TMEM178B: variants seen among roughly 807,000 people sequenced by gnomAD.
TMEM178B encodes transmembrane protein 178B.
TMEM178B carries 5 observed loss-of-function variants against 31.0 expected under a neutral mutation model. That is an observed-to-expected ratio of 0.16 (90% CI 0.08 to 0.34). TMEM178B has a LOEUF of 0.34. Ranked by LOEUF, TMEM178B falls within the 10% of genes least tolerant of loss-of-function variation. TMEM178B has a pLI of 1.00. For synonymous variants in TMEM178B, 164 were observed against 164.0 expected (o/e 1.00, Z 0.00); for missense variants, 275 against 400.3 (o/e 0.69, Z 2.67).
downstream of TMEM178B, among the ~76,000 whole-genome samples, chr7:141,483,168 G>A (rs1447748367): frequency 1.3e-5 from 2 of 152,210 alleles, no homozygotes; most frequent in Admixed American, 1.3e-4. Context: ...ATCTCCAGGA[G>A]CCAAAGGCCA....
chr7:141,489,794 G>A, the TMEM178B span, among the ~76,000 whole-genome samples: 1 of 152,198 alleles, frequency 6.6e-6, no homozygotes, highest in Non-Finnish European at 1.5e-5. Context: ...GAGGGCTCAA[G>A]ATTTTTGCAT....
At chr7:141,150,049 G>C (rs1319292144) in intron 1 of TMEM178B, among the ~76,000 whole-genome samples, 3 of 152,154 alleles carry the variant, frequency 2.0e-5, no homozygotes, top group Non-Finnish European at 4.4e-5. Flanking sequence ...TGTGGCCTGA[G>C]CACTCGAGTG....
rs534705789 is a variant in TMEM178B at position 141,263,990 on chromosome 7, C to G, written c.496+51286C>G. On this transcript the variant is annotated intron_variant, in intron 2 of 3. Transcript: ENST00000565468. ...CCAAATGTGGAGCTTCTGTTGTCCT[C>G]TCCCCTTGGAGTCATGGAGAGTGGT... is the stretch of plus-strand genomic sequence containing the variant. 2.6e-5 allele frequency among the ~76,000 whole-genome samples: 4 copies of G among 152,340 alleles called. No individual in the cohort carries two copies. In the East Asian group the frequency reaches 7.7e-4, roughly 29 times the overall value.
rs1799581667 is a variant in TMEM178B, at chr7:141,344,594, TC to T, written c.497-93012del. ...CTCCTCCCTTCCTTCCTTCCTTCCT[TC>T]CTTCCTTCCTTCCTTCCTTCCTTCC... On this transcript the variant is annotated intron_variant, in intron 2 of 3. Coordinates refer to ENST00000565468, the MANE Select transcript of TMEM178B (RefSeq NM_001195278.2). The surrounding 1 kb of genome is among the most constrained non-coding windows in gnomAD (Gnocchi z 4.1). Among the ~76,000 whole-genome samples, 1 of 131,566 alleles carries T rather than the reference TC, an allele frequency of 7.6e-6. No homozygotes were observed. Among genetic ancestry groups the T allele is most frequent in the Admixed American group, 7.3e-5 (1 of 13,738 alleles). The allele number at this position is 131,566 out of a possible 152,430, so 86.3% of individuals were successfully genotyped here.
intron 2 of TMEM178B, among the ~76,000 whole-genome samples, chr7:141,258,280 A>G (rs1396140122): frequency 6.6e-6 from 1 of 151,952 alleles, no homozygotes; most frequent in African/African-American, 2.4e-5. Flanking sequence ...GGGATGTCCA[A>G]TCTTTTGACT....
chr7:141,338,081 C>T (rs565990500), intron 2 of TMEM178B, among the ~76,000 whole-genome samples: 1 of 152,178 alleles, frequency 6.6e-6, no homozygotes. Context: ...TCGTGATGCA[C>T]CCACCTCGGC....
chr7:141,282,806 A>G (rs1035749822), intron 2 of TMEM178B, among the ~76,000 whole-genome samples: 2 of 152,238 alleles, frequency 1.3e-5, no homozygotes, highest in Non-Finnish European at 1.5e-5. Flanking sequence ...ATGGCAGATA[A>G]CAATCTCAAA....
chr7:141,474,045 C>A lies in TMEM178B; in HGVS notation c.*3259C>A, dbSNP rs1283205716. On this transcript the variant is annotated 3_prime_UTR_variant, in exon 4 of 4. Coordinates refer to ENST00000565468, the MANE Select transcript of TMEM178B (RefSeq NM_001195278.2). ...TTATGAGGGCATTTAGGGTCAATGA[C>A]CTCACTAAAGTCACCAGCCGCAACC... 5 of 152,170 alleles carry A rather than the reference C, an allele frequency of 3.3e-5. No individual in the cohort carries two copies. The highest frequency in any genetic ancestry group is 5.9e-5 in the Non-Finnish European group (4 of 68,062). 9.4% of individuals were successfully genotyped at this position (152,170 alleles called of 1,614,324 possible). A position where few individuals can be genotyped will look rare whatever the true frequency, so the allele number is the denominator to read the frequency against.
chr7:141,173,339 A>G (rs1359707987), intron 1 of TMEM178B: 1 of 152,250 alleles, frequency 6.6e-6, no homozygotes, highest in Non-Finnish European at 1.5e-5. Flanking sequence ...CATGCCTGAC[A>G]CAAAGTAGAT....
At chr7:141,125,169 C>T (rs1363722516) in intron 1 of TMEM178B, among the ~76,000 whole-genome samples, 3 of 152,204 alleles carry the variant, frequency 2.0e-5, no homozygotes, top group Non-Finnish European at 4.4e-5. Context: ...TCTTAGTTGA[C>T]ATTCTCAAGT....
intron 1 of TMEM178B, among the ~76,000 whole-genome samples, chr7:141,194,270 C>G (rs1796744140): frequency 6.6e-6 from 1 of 152,188 alleles, no homozygotes; most frequent in Admixed American, 6.5e-5. Flanking sequence ...CCCAAAGTCT[C>G]ATCTGAGACA....
intron 1 of TMEM178B, among the ~76,000 whole-genome samples, chr7:141,202,313 A>G (rs1241368287): frequency 7.1e-6 from 1 of 139,922 alleles, no homozygotes; most frequent in Non-Finnish European, 1.5e-5. Flanking sequence ...TTGCAATAGA[A>G]CCAGCAGAAG....
At position 141,096,702 on chromosome 7, in the gene TMEM178B, T is replaced by C. The variant is rs141212907; in HGVS notation, c.382+22010T>C. Among the ~76,000 whole-genome samples the C allele has an allele frequency of 1.3e-3, 205 of 152,270 alleles. 1 individual carries two copies. The highest frequency in any genetic ancestry group is 4.9e-3 in the African/African-American group (202 of 41,554). ...ATATCCCTTATAATAAACTACAAAA[T>C]GTAAGTAAGTGTTTCTCTGAATTCT... On this transcript the variant is annotated intron_variant, in intron 1 of 3. Transcript: ENST00000565468.
At chr7:141,369,345 GTGTGTGTGTGTGTA>G (rs1192886826) in intron 2 of TMEM178B, among the ~76,000 whole-genome samples, 34 of 151,070 alleles carry the variant, frequency 2.3e-4, no homozygotes, top group East Asian at 7.9e-4. Flanking sequence ...GTGTGTGTGT[GTGTGTGTGTGTGTA>G]TGTGTGTGTG....
intron 2 of TMEM178B, among the ~76,000 whole-genome samples, chr7:141,346,599 G>T (rs569199770): frequency 6.6e-6 from 1 of 151,466 alleles, no homozygotes; most frequent in East Asian, 1.9e-4. Context: ...ATGGACATAT[G>T]TGTACCCATA....
the TMEM178B span, among the ~76,000 whole-genome samples, chr7:141,503,216 G>A: frequency 1.3e-5 from 2 of 152,194 alleles, no homozygotes; most frequent in African/African-American, 4.8e-5. Flanking sequence ...AAGATTCAAG[G>A]GTTCATCTGT....
intron 3 of TMEM178B, among the ~76,000 whole-genome samples, chr7:141,442,363 C>G (rs945163227): frequency 6.6e-6 from 1 of 152,196 alleles, no homozygotes; most frequent in African/African-American, 2.4e-5. Flanking sequence ...ACCCTGCAAT[C>G]AGTCCTTCAC....
intron 2 of TMEM178B, among the ~76,000 whole-genome samples, chr7:141,436,931 G>T (rs1801555784): frequency 6.6e-6 from 1 of 152,162 alleles, no homozygotes; most frequent in Non-Finnish European, 1.5e-5. Context: ...GCAAGAAAGG[G>T]GTCTGCTCTG....
At chr7:141,124,802 CAT>C (rs1795463260) in intron 1 of TMEM178B, among the ~76,000 whole-genome samples, 1 of 152,094 alleles carries the variant, frequency 6.6e-6, no homozygotes, top group African/African-American at 2.4e-5. Flanking sequence ...TCTAAAAAAA[CAT>C]ACACTGTGTG....
Sources: allele counts gnomAD v4.1 joint callset (sites outside exome capture counted in the v4.1 genomes callset), GRCh38; gene constraint gnomAD v4.1.1; non-coding constraint Gnocchi (gnomAD v3.1); transcripts MANE v1.5; gene names NCBI Gene and HGNC (gene_info 2026-07-23, HGNC 2026-07-21).